UNC13C: variants seen among roughly 807,000 people sequenced by gnomAD.
UNC13C encodes the protein unc-13 homolog C, also known as protein unc-13 homolog C.
UNC13C carries 174 observed loss-of-function variants against 245.4 expected under a neutral mutation model. That is an observed-to-expected ratio of 0.71 (90% CI 0.63 to 0.80). UNC13C has a LOEUF of 0.80. UNC13C is among the 30% of genes least tolerant of loss of function. The pLI is 0.00. For synonymous variants in UNC13C, 992 were observed against 895.1 expected (o/e 1.11, Z -1.93); for missense variants, 2,829 against 2,602.9 (o/e 1.09, Z -1.89).
the UNC13C span, among the ~76,000 whole-genome samples, chr15:53,939,246 G>T: frequency 2.0e-5 from 3 of 152,130 alleles, no homozygotes; most frequent in Admixed American, 2.0e-4. Context: ...AGAATAAATG[G>T]ATAAATTCCT....
chr15:53,966,993 C>A, the UNC13C span, among the ~76,000 whole-genome samples: 1 of 152,032 alleles, frequency 6.6e-6, no homozygotes, highest in African/African-American at 2.4e-5. Flanking sequence ...TGTTTATATC[C>A]TCTGCATTCT....
chr15:54,415,738 G>A (rs2040505092), intron 19 of UNC13C, among the ~76,000 whole-genome samples: 1 of 152,128 alleles, frequency 6.6e-6, no homozygotes, highest in African/African-American at 2.4e-5. Context: ...ACTGGATGTA[G>A]GGGATGCAAC....
At chr15:54,628,933 T>TG (rs1901373457), downstream of UNC13C, 1 of 151,382 alleles carries the variant, frequency 6.6e-6, no homozygotes, top group African/African-American at 2.5e-5. Flanking sequence ...CATTACTGAG[T>TG]ACACAGCCAA....
At chr15:54,057,194 A>G (rs575219795) in intron 2 of UNC13C, among the ~76,000 whole-genome samples, 99 of 152,156 alleles carry the variant, frequency 6.5e-4, no homozygotes, top group African/African-American at 2.1e-3. Context: ...AGACCCATCG[A>G]TGTGCTGTAT....
intron 30 of UNC13C, among the ~76,000 whole-genome samples, chr15:54,611,135 T>C (rs1900071150): frequency 6.6e-6 from 1 of 152,058 alleles, no homozygotes; most frequent in Non-Finnish European, 1.5e-5. Flanking sequence ...GTCAGAGTGA[T>C]TGGGGAAGCT....
intron 2 of UNC13C, among the ~76,000 whole-genome samples, chr15:54,097,405 G>T (rs1188824407): frequency 6.6e-6 from 1 of 152,140 alleles, no homozygotes; most frequent in African/African-American, 2.4e-5. Flanking sequence ...AGAAAATTAG[G>T]TGTTTTAATG....
chr15:54,618,971 C>T (rs971557736), intron 30 of UNC13C, among the ~76,000 whole-genome samples: 12 of 152,094 alleles, frequency 7.9e-5, no homozygotes, highest in African/African-American at 2.4e-4. Flanking sequence ...ATTTAAAATA[C>T]AGTAAAAATA....
chr15:54,541,567 G>A (rs1210305621), intron 26 of UNC13C, among the ~76,000 whole-genome samples: 3 of 152,100 alleles, frequency 2.0e-5, no homozygotes, highest in Non-Finnish European at 4.4e-5. Context: ...TTCATCAGAG[G>A]TAGTATGGGA....
chr15:54,589,368 G>A (rs949162530), intron 30 of UNC13C, among the ~76,000 whole-genome samples: 29 of 119,638 alleles, frequency 2.4e-4, no homozygotes, highest in African/African-American at 9.1e-4. Flanking sequence ...GCACAATCTT[G>A]GCTGACTGCA....
intron 4 of UNC13C, among the ~76,000 whole-genome samples, chr15:54,169,760 C>A (rs886316606): frequency 6.6e-6 from 1 of 152,114 alleles, no homozygotes; most frequent in Non-Finnish European, 1.5e-5. Flanking sequence ...AACTCCTGTC[C>A]GTACTTTACA....
chr15:53,937,365 C>T, the UNC13C span, among the ~76,000 whole-genome samples: 1 of 152,082 alleles, frequency 6.6e-6, no homozygotes, highest in African/African-American at 2.4e-5. Flanking sequence ...AACAAAACCT[C>T]CAAGAAATAT....
At chr15:54,434,105 A>T (rs1382304561) in intron 19 of UNC13C, among the ~76,000 whole-genome samples, 1 of 152,130 alleles carries the variant, frequency 6.6e-6, no homozygotes, top group Non-Finnish European at 1.5e-5. Context: ...ATGGAAATAA[A>T]TTTCATGCTC....
At chr15:53,943,010 C>A in the UNC13C span, among the ~76,000 whole-genome samples, 1 of 152,120 alleles carries the variant, frequency 6.6e-6, no homozygotes, top group African/African-American at 2.4e-5. Context: ...TCTTTCTTTT[C>A]ACTAAGAACA....
At chr15:54,085,382 A>G (rs749244586) in intron 2 of UNC13C, among the ~76,000 whole-genome samples, 7 of 152,148 alleles carry the variant, frequency 4.6e-5, no homozygotes, top group Non-Finnish European at 8.8e-5. Flanking sequence ...GAAGGATCCC[A>G]AGTAATCCCT....
intron 2 of UNC13C, among the ~76,000 whole-genome samples, chr15:54,037,762 A>C (rs1896632428): frequency 6.6e-6 from 1 of 152,090 alleles, no homozygotes; most frequent in African/African-American, 2.4e-5. Flanking sequence ...ACTTAGGGAC[A>C]AAATGGTTAG....
intron 29 of UNC13C, among the ~76,000 whole-genome samples, chr15:54,557,886 A>AT (rs1448641054): frequency 5.9e-5 from 9 of 152,118 alleles, no homozygotes; most frequent in Non-Finnish European, 1.3e-4. Context: ...GATTAAGAAA[A>AT]TGTGGCACAT....
At chr15:54,527,534 T>C (rs1566889346) in intron 25 of UNC13C, among the ~76,000 whole-genome samples, 1 of 152,220 alleles carries the variant, frequency 6.6e-6, no homozygotes, top group South Asian at 2.1e-4. Flanking sequence ...TGATAAGTGC[T>C]TTTTGTTTTG....
At chr15:54,266,927 T>A (rs1406251963) in intron 10 of UNC13C, among the ~76,000 whole-genome samples, 1 of 152,098 alleles carries the variant, frequency 6.6e-6, no homozygotes, top group East Asian at 1.9e-4. Context: ...TTTGTGTGGT[T>A]CTATTCATTC....
intron 17 of UNC13C, among the ~76,000 whole-genome samples, chr15:54,389,036 C>A (rs866034201): frequency 6.6e-6 from 1 of 152,122 alleles, no homozygotes; most frequent in Non-Finnish European, 1.5e-5. Context: ...TGTTTAAAAT[C>A]TTTTAAATGG....
Sources: allele counts gnomAD v4.1 joint callset (sites outside exome capture counted in the v4.1 genomes callset), GRCh38; gene constraint gnomAD v4.1.1; transcripts MANE v1.5; gene names NCBI Gene and HGNC (gene_info 2026-07-23, HGNC 2026-07-21).